ACBD6: variants seen among roughly 807,000 people sequenced by gnomAD.
The protein encoded by ACBD6 is acyl-CoA-binding domain-containing protein 6.
ACBD6 carries 28 observed loss-of-function variants against 37.2 expected under a neutral mutation model. The ratio of observed to expected loss-of-function variants is 0.75; its 90% CI spans 0.56 to 1.03. The LOEUF is 1.03. Ranked by LOEUF, ACBD6 falls within the 50% of genes least tolerant of loss-of-function variation. The pLI is 0.00. For synonymous variants in ACBD6, 113 were observed against 126.8 expected (o/e 0.89, Z 0.73); for missense variants, 340 against 337.4 (o/e 1.01, Z -0.06).
At chr1:180,324,636 A>T (rs760440926) in intron 6 of ACBD6, among the ~76,000 whole-genome samples, 2 of 152,208 alleles carry the variant, frequency 1.3e-5, no homozygotes, top group African/African-American at 2.4e-5. Flanking sequence ...TTTACAAACC[A>T]TAATTACAGT....
chr1:180,371,347 T>A (rs1408839429), intron 6 of ACBD6, among the ~76,000 whole-genome samples: 44 of 152,138 alleles, frequency 2.9e-4, no homozygotes, highest in Non-Finnish European at 1.5e-5. Context: ...CACGAATGAA[T>A]CAGTTTAACC....
intron 6 of ACBD6, among the ~76,000 whole-genome samples, chr1:180,322,012 T>C (rs1651093687): frequency 6.6e-6 from 1 of 152,174 alleles, no homozygotes; most frequent in Non-Finnish European, 1.5e-5. Flanking sequence ...ATAAGACTTT[T>C]ATTATGTTGA....
At chr1:180,490,961 TAAAAAAAA>T (rs67650274) in intron 3 of ACBD6, among the ~76,000 whole-genome samples, 2 of 93,846 alleles carry the variant, frequency 2.1e-5, no homozygotes, top group African/African-American at 8.0e-5. Context: ...CTGTCTCATA[TAAAAAAAA>T]AAAAAAAAAA....
Position 180,376,472 on chromosome 1 carries a change from A to G in ACBD6, c.663+21044T>C, listed in dbSNP as rs368795760. ...AGAGTGTTTCAATAAACTATGGTAC[A>G]TCCACATAAGGGAGTACTATGCAGC... On this transcript the variant is annotated intron_variant, in intron 6 of 7. Transcript: ENST00000367595. Among the ~76,000 whole-genome samples the G allele has an allele frequency of 3.3e-5, 5 of 152,338 alleles. No individual in the cohort carries two copies. In the East Asian group the frequency reaches 7.7e-4, roughly 23 times the overall value.
chr1:180,315,862 T>C (rs1048562330), intron 6 of ACBD6, among the ~76,000 whole-genome samples: 2 of 151,982 alleles, frequency 1.3e-5, no homozygotes, highest in African/African-American at 2.4e-5. Flanking sequence ...AGAGGAGATA[T>C]GAAAGAAGTA....
intron 6 of ACBD6, among the ~76,000 whole-genome samples, chr1:180,333,136 T>C (rs1651551747): frequency 6.6e-6 from 1 of 152,328 alleles, no homozygotes; most frequent in Non-Finnish European, 1.5e-5. Flanking sequence ...ATCATGTTAC[T>C]ATATATTTTA....
chr1:180,415,141 A>T (rs1017082746), intron 4 of ACBD6, among the ~76,000 whole-genome samples: 2 of 151,912 alleles, frequency 1.3e-5, no homozygotes, highest in Non-Finnish European at 2.9e-5. Flanking sequence ...AAAAACAAAC[A>T]TCAGGTCTGC....
At chr1:180,297,292 T>C (rs1649956417) in intron 7 of ACBD6, among the ~76,000 whole-genome samples, 2 of 152,100 alleles carry the variant, frequency 1.3e-5, no homozygotes, top group South Asian at 2.1e-4. Flanking sequence ...TTGTGATCCT[T>C]TACATTACTT....
At chr1:180,449,100 CT>C (rs1447357002) in intron 3 of ACBD6, among the ~76,000 whole-genome samples, 1 of 152,126 alleles carries the variant, frequency 6.6e-6, no homozygotes, top group Non-Finnish European at 1.5e-5. Context: ...CCATTCCATT[CT>C]CTTTTCCATT....
At chr1:180,471,622 CT>C (rs1446184907) in intron 3 of ACBD6, among the ~76,000 whole-genome samples, 1 of 152,074 alleles carries the variant, frequency 6.6e-6, no homozygotes, top group Non-Finnish European at 1.5e-5. Flanking sequence ...GCGGATACCC[CT>C]GATAAGCCCA....
chr1:180,435,102 C>A (rs1196778195), intron 3 of ACBD6: 4 of 763,658 alleles, frequency 5.2e-6, no homozygotes, highest in Non-Finnish European at 9.7e-6. Flanking sequence ...ATCCTTCTCA[C>A]CTAACACTGG....
intron 4 of ACBD6, among the ~76,000 whole-genome samples, 161 bp from the exon 5 acceptor site, chr1:180,413,632 A>T (rs1647955095): frequency 6.6e-6 from 1 of 152,214 alleles, no homozygotes; most frequent in African/African-American, 2.4e-5. Context: ...TAATATATCC[A>T]ACTCCTGAAA....
chr1:180,429,257 C>T (rs1359067447), intron 4 of ACBD6, among the ~76,000 whole-genome samples: 2 of 144,040 alleles, frequency 1.4e-5, no homozygotes, highest in East Asian at 4.1e-4. Flanking sequence ...CTACCCCCAG[C>T]TCCTGGCAAC....
At position 180,288,400 on chromosome 1, in the gene ACBD6, G is replaced by C. The variant is rs1186863071; in HGVS notation, c.812C>G (p.Ser271Cys). ...PEEVTGCKTVSLVLQRHTTGK... is the reference protein window; with the variant it reads ...PEEVTGCKTVCLVLQRHTTGK... ...AGTTGTGTGCCGCTGCAGCACCAAA[G>C]AAACTGTTTTGCAGCCTGTCACCTC... Residue 271 changes from serine (S) to cysteine (C), a missense_variant, in exon 8 of 8, where the codon TCT becomes TGT. By Grantham distance (112) the Ser-to-Cys change is moderately radical. Coordinates refer to ENST00000367595, the MANE Select transcript of ACBD6 (RefSeq NM_032360.4). 17 of 1,613,708 alleles carry C rather than the reference G, an allele frequency of 1.1e-5. No individual in the cohort carries two copies. Among genetic ancestry groups the C allele is most frequent in the Admixed American group, 1.7e-5 (1 of 59,984 alleles).
chr1:180,465,668 C>A (rs1650320952), intron 3 of ACBD6, among the ~76,000 whole-genome samples: 1 of 152,094 alleles, frequency 6.6e-6, no homozygotes, highest in South Asian at 2.1e-4. Flanking sequence ...TGGGTATATA[C>A]CCGGAGGAAT....
intron 6 of ACBD6, among the ~76,000 whole-genome samples, chr1:180,370,352 T>A (rs1019354309): frequency 6.6e-6 from 1 of 152,122 alleles, no homozygotes; most frequent in African/African-American, 2.4e-5. Context: ...CATATGCACA[T>A]GTACATGTGT....
In ACBD6 at chr1:180,502,213, C is replaced by T. The variant is rs778457212; in HGVS notation, c.54G>A (p.Glu18=). 53 of 1,613,848 alleles carry T rather than the reference C, an allele frequency of 3.3e-5. No individual in the cohort carries two copies. The Middle Eastern group carries it at 6.6e-4, about 20-fold the overall frequency. ...CCCCGGAGTCGTCCCCTGAGCTCAG[C>T]TCTCCACCGCTGTCGCCGGTGATGG... The part of the protein sequence containing the change: ...AGAITGDSGG[E]LSSGDDSGEV... The change falls in exon 1 of 8, where the codon GAG becomes GAA. Residue 18 remains glutamate, a synonymous_variant. Coordinates refer to ENST00000367595, the MANE Select transcript of ACBD6 (RefSeq NM_032360.4).
At chr1:180,276,661 C>T (rs1440039018) in intron 9 of ACBD6, 4 of 152,134 alleles carry the variant, frequency 2.6e-5, no homozygotes, top group Non-Finnish European at 5.9e-5. Flanking sequence ...CCCTTCTTAG[C>T]AGGCTGCTTA....
At position 180,291,569 on chromosome 1, in the gene ACBD6, T is replaced by C. The variant is rs531629485; in HGVS notation, c.695-3052A>G. 3.9e-5 allele frequency among the ~76,000 whole-genome samples: 6 copies of C among 152,324 alleles called. No homozygotes were observed. The South Asian group carries it at 1.0e-3, about 26-fold the overall frequency. ...TGTTAATAAGGTTGTCATTTTCTTA[T>C]AAGAGGTCTTTATATGTTGTGGACA... On this transcript the variant is annotated intron_variant, in intron 7 of 7. Transcript: ENST00000367595.
Sources: allele counts gnomAD v4.1 joint callset (sites outside exome capture counted in the v4.1 genomes callset), GRCh38; gene constraint gnomAD v4.1.1; transcripts MANE v1.5; gene names NCBI Gene and HGNC (gene_info 2026-07-23, HGNC 2026-07-21).